Variants in TMEM132D observed in about 807,000 individuals in gnomAD.
TMEM132D encodes mature OL transmembrane protein.
TMEM132D carries 21 observed loss-of-function variants against 62.3 expected under a neutral mutation model. The ratio of observed to expected loss-of-function variants is 0.34; its 90% confidence interval spans 0.24 to 0.49. The LOEUF is 0.49. Among genes scored for constraint, TMEM132D ranks in the 20% least tolerant of loss-of-function variants. The pLI is 0.99. For missense variants in TMEM132D, 1,346 were observed against 1,402.8 expected, an observed-to-expected ratio of 0.96 and a Z score of 0.65; for synonymous variants, 621 against 575.6, an observed-to-expected ratio of 1.08 and a Z score of -1.13.
At chr12:129,821,319 C>T (rs765411580) in intron 1 of TMEM132D, among the ~76,000 whole-genome samples, 5 of 152,212 alleles carry the variant, frequency 3.3e-5, no homozygotes, top group South Asian at 4.1e-4. Flanking sequence ...TCCTCTGAAA[C>T]GCACGTCAGA....
At chr12:129,251,978 C>T (rs1403782498) in intron 4 of TMEM132D, among the ~76,000 whole-genome samples, 1 of 152,266 alleles carries the variant, frequency 6.6e-6, no homozygotes, top group East Asian at 1.9e-4. Context: ...GGAACACCCA[C>T]CCTATACTTT....
intron 3 of TMEM132D, among the ~76,000 whole-genome samples, chr12:129,431,316 G>C (rs535038521): frequency 2.9e-4 from 44 of 152,210 alleles, no homozygotes; most frequent in Non-Finnish European, 5.1e-4. Flanking sequence ...TTCCCAAATC[G>C]TTCTCCCTCT....
chr12:129,839,204 C>A (rs1419116436), intron 1 of TMEM132D, among the ~76,000 whole-genome samples: 1 of 139,696 alleles, frequency 7.2e-6, no homozygotes, highest in Non-Finnish European at 1.5e-5. Context: ...CGATCTCAGC[C>A]CCGCAACCTT....
intron 1 of TMEM132D, chr12:129,853,321 A>G (rs1045166167): frequency 1.3e-5 from 2 of 152,202 alleles, no homozygotes; most frequent in Non-Finnish European, 2.9e-5. Context: ...TGGTGTCCTA[A>G]ATCCCCAAAG....
intron 3 of TMEM132D, among the ~76,000 whole-genome samples, chr12:129,486,995 G>A (rs966904475): frequency 4.0e-5 from 6 of 151,334 alleles, no homozygotes; most frequent in African/African-American, 1.2e-4. Flanking sequence ...GTATTGCAGC[G>A]TGGCTGGAGA....
intron 1 of TMEM132D, among the ~76,000 whole-genome samples, chr12:129,707,745 G>T (rs945866823): frequency 1.3e-5 from 2 of 152,280 alleles, no homozygotes; most frequent in South Asian, 4.1e-4. Context: ...TCAATTCATG[G>T]TATCATTCCC....
intron 2 of TMEM132D, among the ~76,000 whole-genome samples, chr12:129,676,215 G>T (rs1880627125): frequency 6.6e-6 from 1 of 152,176 alleles, no homozygotes; most frequent in Non-Finnish European, 1.5e-5. Context: ...GATGATGGGG[G>T]CAGGGAGGAA....
In TMEM132D at chr12:129,835,580, C is replaced by G. The variant is rs117413560; in HGVS notation, c.79+67681G>C. 4.3e-3 allele frequency among the ~76,000 whole-genome samples: 662 copies of G among 152,198 alleles called. 8 individuals carry two copies. In the East Asian group the frequency reaches 0.054, roughly 12 times the overall value. ...TGCTGGGATTACAGGCGTGAGCTAC[C>G]ACACCGAGCCTGTGCATGAGGTTTT... On this transcript the variant is annotated intron_variant, in intron 1 of 8. Transcript: ENST00000422113.
At chr12:129,178,525 T>C (rs1877973124) in intron 5 of TMEM132D, among the ~76,000 whole-genome samples, 2 of 151,878 alleles carry the variant, frequency 1.3e-5, no homozygotes, top group Admixed American at 1.3e-4. Flanking sequence ...ATTTCTCTAA[T>C]GGAGATCTCT....
At chr12:129,479,821 T>C (rs1268285790) in intron 3 of TMEM132D, among the ~76,000 whole-genome samples, 3 of 54,274 alleles carry the variant, frequency 5.5e-5, no homozygotes, top group African/African-American at 7.6e-5. Context: ...TTGAAGAAAG[T>C]TCTCACTGTG....
chr12:129,196,953 G>T (rs1878566475), intron 5 of TMEM132D, among the ~76,000 whole-genome samples: 1 of 152,156 alleles, frequency 6.6e-6, no homozygotes, highest in Non-Finnish European at 1.5e-5. Context: ...GAAGTAGGGT[G>T]TCAGTAAATA....
At position 129,887,938 on chromosome 12, in the gene TMEM132D, T is replaced by C. The variant is rs147642477; in HGVS notation, c.79+15323A>G. Among the ~76,000 whole-genome samples, 397 of 152,318 alleles carry C rather than the reference T, an allele frequency of 2.6e-3. 3 individuals carry two copies. Among genetic ancestry groups the C allele is most frequent in the African/African-American group, 8.1e-3 (336 of 41,570 alleles). ...TTAACGAGATAAGGCAGAACTCATT[T>C]GTAAGCTGGGATTTTTTTTTAACAC... On this transcript the variant is annotated intron_variant, in intron 1 of 8. Coordinates refer to ENST00000422113, the MANE Select transcript of TMEM132D (RefSeq NM_133448.3).
At chr12:129,364,349 G>A (rs183961273) in intron 3 of TMEM132D, among the ~76,000 whole-genome samples, 15 of 152,282 alleles carry the variant, frequency 9.9e-5, no homozygotes, top group Middle Eastern at 3.4e-3. Flanking sequence ...TATCATTCAC[G>A]TAGTTCATGT....
chr12:129,121,656 C>T (rs1215768405), intron 5 of TMEM132D, among the ~76,000 whole-genome samples: 2 of 152,044 alleles, frequency 1.3e-5, no homozygotes, highest in Non-Finnish European at 2.9e-5. Context: ...CTCTCCAAGA[C>T]CCAGAGAAGG....
chr12:129,835,143 G>A (rs916738375), intron 1 of TMEM132D, among the ~76,000 whole-genome samples: 1 of 152,168 alleles, frequency 6.6e-6, no homozygotes, highest in Admixed American at 6.5e-5. Flanking sequence ...ACCCATGGGA[G>A]ATGAGAAACA....
At chr12:129,704,079 T>C (rs1210591814) in intron 1 of TMEM132D, among the ~76,000 whole-genome samples, 1 of 152,218 alleles carries the variant, frequency 6.6e-6, no homozygotes, top group Non-Finnish European at 1.5e-5. Flanking sequence ...CCTAATTATG[T>C]TTTGATTTCC....
At position 129,788,161 on chromosome 12, in the gene TMEM132D, A is replaced by G. The variant is rs115080943; in HGVS notation, c.80-87463T>C. 5.3e-3 allele frequency among the ~76,000 whole-genome samples: 808 copies of G among 152,328 alleles called. 3 individuals are homozygous for G. Among genetic ancestry groups the G allele is most frequent in the African/African-American group, 0.018 (750 of 41,568 alleles). On this transcript the variant is annotated intron_variant, in intron 1 of 8. Coordinates refer to ENST00000422113, the MANE Select transcript of TMEM132D (RefSeq NM_133448.3). ...ATACAAAGCTGTGGCAAAGAGTAGG[A>G]ATGTGGGTGAAAAGGAGTATTGTTG...
Position 129,387,306 on chromosome 12 carries a change from C to T in TMEM132D, c.1116-49489G>A, listed in dbSNP as rs528597445. Among the ~76,000 whole-genome samples the T allele has an allele frequency of 3.3e-5, 5 of 149,918 alleles. No homozygotes were observed. In the East Asian group the frequency reaches 9.7e-4, roughly 29 times the overall value. On this transcript the variant is annotated intron_variant, in intron 3 of 8. Transcript: ENST00000422113. ...GTATGTGCCAATGCCAACACCAATA[C>T]CAACACTAACACCAATGCCAGTGCT...
At chr12:129,620,686 C>T (rs1879041396) in intron 2 of TMEM132D, among the ~76,000 whole-genome samples, 1 of 152,172 alleles carries the variant, frequency 6.6e-6, no homozygotes, top group African/African-American at 2.4e-5. Context: ...ATGGATGGAG[C>T]TGGAAGCCAC....
Sources: gnomAD v4.1 joint callset for allele counts (sites outside exome capture counted in the v4.1 genomes callset) on GRCh38, gnomAD v4.1.1 for gene constraint, MANE v1.5 for transcripts, NCBI Gene and HGNC (gene_info 2026-07-23, HGNC 2026-07-21) for gene names.